Variants in CYRIA observed in about 807,000 individuals in gnomAD.
CYRIA encodes CYFIP-related Rac1 interactor A.
CYRIA carries 15 observed loss-of-function variants against 43.9 expected under a neutral mutation model. The observed-to-expected ratio is 0.34, with a 90% CI of 0.23 to 0.53. CYRIA has a LOEUF of 0.53. Ranked by LOEUF, CYRIA falls within the 20% of genes least tolerant of loss-of-function variation. CYRIA has a pLI of 0.94. For missense variants in CYRIA, 236 were observed against 394.2 expected (o/e 0.60, Z 3.40); for synonymous variants, 117 against 136.0 (o/e 0.86, Z 0.97).
intron 10 of CYRIA, among the ~76,000 whole-genome samples, chr2:16,557,291 C>G (rs1572452716): frequency 6.6e-6 from 1 of 152,140 alleles, no homozygotes; most frequent in African/African-American, 2.4e-5. Context: ...CAAACATCAC[C>G]CTCTGTCTCT....
At chr2:16,581,958 T>C (rs974407002) in intron 3 of CYRIA, among the ~76,000 whole-genome samples, 25 of 152,340 alleles carry the variant, frequency 1.6e-4, no homozygotes, top group African/African-American at 6.0e-4. Context: ...TTCTGTATGA[T>C]TCTATTTATA....
intron 1 of CYRIA, among the ~76,000 whole-genome samples, chr2:16,634,660 G>A (rs1230929787): frequency 1.9e-5 from 2 of 102,956 alleles, no homozygotes; most frequent in African/African-American, 1.6e-4. Context: ...AGTGATAAGG[G>A]CATGTGTCTG....
rs112338757 is a variant in CYRIA, at chr2:16,619,159, T to C, written c.-11+4705A>G. 5.0e-3 allele frequency among the ~76,000 whole-genome samples: 755 copies of C among 152,252 alleles called. 7 individuals carry two copies. The highest frequency in any genetic ancestry group is 0.016 in the African/African-American group (662 of 41,542). On this transcript the variant is annotated intron_variant, in intron 2 of 11. Transcript: ENST00000381323. ...AGAGATCTTGGCACAACTGGGGAAG[T>C]GTGCAGGTGAAAGATTAAGTCTAGC... is the stretch of plus-strand genomic sequence containing the variant.
chr2:16,624,981 A>G (rs1669113308), intron 1 of CYRIA, among the ~76,000 whole-genome samples: 1 of 152,244 alleles, frequency 6.6e-6, no homozygotes, highest in Non-Finnish European at 1.5e-5. Flanking sequence ...CATGTCTCCT[A>G]AATCTACTTT....
intron 3 of CYRIA, among the ~76,000 whole-genome samples, chr2:16,583,154 T>C (rs1347011042): frequency 1.3e-5 from 2 of 152,228 alleles, no homozygotes; most frequent in East Asian, 3.8e-4. Context: ...CATTTGTTTA[T>C]TTTCTTTGGA....
chr2:16,662,583 A>C (rs1419638836), intron 1 of CYRIA, among the ~76,000 whole-genome samples: 1 of 152,208 alleles, frequency 6.6e-6, no homozygotes, highest in African/African-American at 2.4e-5. Context: ...GATTCTAACC[A>C]TGATGAAGTT....
chr2:16,590,066 A>G (rs554218979), intron 2 of CYRIA, among the ~76,000 whole-genome samples: 1 of 129,226 alleles, frequency 7.7e-6, no homozygotes, highest in East Asian at 2.1e-4. Context: ...TTGGGCATGC[A>G]TGCACACACA....
intron 3 of CYRIA, among the ~76,000 whole-genome samples, chr2:16,578,616 T>C (rs1667436548): frequency 6.6e-6 from 1 of 152,116 alleles, no homozygotes; most frequent in Non-Finnish European, 1.5e-5. Context: ...AATGAAAAAT[T>C]CCACATTAGA....
At chr2:16,656,079 T>C (rs1377498787) in intron 1 of CYRIA, among the ~76,000 whole-genome samples, 1 of 152,220 alleles carries the variant, frequency 6.6e-6, no homozygotes, top group Non-Finnish European at 1.5e-5. Flanking sequence ...GGCAGAGCCT[T>C]GTCCAGAGAG....
chr2:16,600,838 T>C (rs1425855644), intron 2 of CYRIA, among the ~76,000 whole-genome samples: 1 of 152,144 alleles, frequency 6.6e-6, no homozygotes, highest in Non-Finnish European at 1.5e-5. Context: ...TCACATTGAT[T>C]GGGGGGATAA....
intron 2 of CYRIA, among the ~76,000 whole-genome samples, chr2:16,612,473 C>G (rs1027145189): frequency 6.6e-6 from 1 of 152,258 alleles, no homozygotes; most frequent in East Asian, 1.9e-4. Context: ...AGATCTCATG[C>G]TATGCTTGAA....
At chr2:16,608,193 A>G (rs1486758195) in intron 2 of CYRIA, among the ~76,000 whole-genome samples, 1 of 152,206 alleles carries the variant, frequency 6.6e-6, no homozygotes, top group Non-Finnish European at 1.5e-5. Context: ...AGCAACAACA[A>G]CAAAGACATC....
chr2:16,638,060 C>T (rs1201350934), intron 1 of CYRIA, among the ~76,000 whole-genome samples: 1 of 152,130 alleles, frequency 6.6e-6, no homozygotes. Flanking sequence ...GTGACCTCAT[C>T]TTGGGGTTTG....
intron 1 of CYRIA, among the ~76,000 whole-genome samples, chr2:16,633,562 T>TA (rs1669398144): frequency 1.9e-5 from 2 of 104,728 alleles, no homozygotes; most frequent in Non-Finnish European, 1.7e-5. Flanking sequence ...TTTTTTTTTT[T>TA]TTTTTTTTTT....
intron 10 of CYRIA, among the ~76,000 whole-genome samples, chr2:16,558,903 G>A (rs896650512): frequency 1.3e-5 from 2 of 152,046 alleles, no homozygotes; most frequent in South Asian, 2.1e-4. Context: ...TAGATGAGGC[G>A]ATGTTTGAAA....
intron 6 of CYRIA, among the ~76,000 whole-genome samples, 158 bp from the exon 7 acceptor site, chr2:16,561,691 C>T (rs540320483): frequency 2.2e-4 from 33 of 152,284 alleles, no homozygotes; most frequent in African/African-American, 7.9e-4. Flanking sequence ...GGACCCACAA[C>T]TTCATTATTT....
At chr2:16,575,410 T>C (rs1487909352) in intron 3 of CYRIA, among the ~76,000 whole-genome samples, 2 of 152,254 alleles carry the variant, frequency 1.3e-5, no homozygotes, top group African/African-American at 4.8e-5. Flanking sequence ...CAGAATAATA[T>C]GATTTGGCTG....
At chr2:16,606,899 C>T (rs1572500199) in intron 2 of CYRIA, among the ~76,000 whole-genome samples, 1 of 152,172 alleles carries the variant, frequency 6.6e-6, no homozygotes, top group African/African-American at 2.4e-5. Flanking sequence ...AGGAAATTTG[C>T]TCCCAGGTCA....
chr2:16,659,787 T>G (rs1401167198), intron 1 of CYRIA, among the ~76,000 whole-genome samples: 2 of 152,226 alleles, frequency 1.3e-5, no homozygotes, highest in Non-Finnish European at 2.9e-5. Context: ...TCAGGAATCA[T>G]CAAACCAAAT....
Sources: gnomAD v4.1 joint callset for allele counts (sites outside exome capture counted in the v4.1 genomes callset) on GRCh38, gnomAD v4.1.1 for gene constraint, MANE v1.5 for transcripts, NCBI Gene and HGNC (gene_info 2026-07-23, HGNC 2026-07-21) for gene names.